The following OTOF variants were observed in gnomAD, a reference collection of about 807,000 sequenced individuals.
OTOF encodes the protein otoferlin, also known as fer-1-like family member 2.
Under a neutral mutation model 236.8 loss-of-function variants are expected in OTOF, and 218 were observed. The ratio of observed to expected loss-of-function variants is 0.92; its 90% confidence interval spans 0.82 to 1.03. The LOEUF is 1.03. Ranked by LOEUF, OTOF falls within the 50% of genes least tolerant of loss-of-function variation. OTOF has a pLI of 0.00. For missense variants in OTOF, 2,590 were observed against 2,694.4 expected, an observed-to-expected ratio of 0.96 and a Z score of 0.86; for synonymous variants, 1,041 against 1,072.5, an observed-to-expected ratio of 0.97 and a Z score of 0.57.
intron 13 of OTOF, 67 bp from the exon 14 acceptor site, chr2:26,482,659 G>GTT: frequency 7.2e-7 from 1 of 1,386,674 alleles, no homozygotes; most frequent in Non-Finnish European, 1.0e-6. Context: ...GTGTGTGTGT[G>GTT]TGAGTGGGCG....
intron 8 of OTOF, among the ~76,000 whole-genome samples, chr2:26,497,581 G>A (rs955412472): frequency 1.3e-5 from 2 of 151,986 alleles, no homozygotes; most frequent in Non-Finnish European, 2.9e-5. Flanking sequence ...AAAATAACCT[G>A]AGGGTGATTA....
chr2:26,511,341 C>T (rs930452952), intron 5 of OTOF, among the ~76,000 whole-genome samples: 5 of 152,130 alleles, frequency 3.3e-5, no homozygotes, highest in African/African-American at 1.2e-4. Flanking sequence ...AAGTGAGCTA[C>T]CACTCCAGGG....
At chr2:26,467,326 C>T in intron 34 of OTOF, 39 bp downstream of exon 34, 1 of 1,613,750 alleles carries the variant, frequency 6.2e-7, no homozygotes, top group Middle Eastern at 1.6e-4. Context: ...CTCTTCCCGC[C>T]CCCACACACC....
chr2:26,542,075 A>T (rs981782968), intron 1 of OTOF, among the ~76,000 whole-genome samples: 18 of 152,352 alleles, frequency 1.2e-4, no homozygotes, highest in Admixed American at 6.5e-4. Context: ...CACACGACAG[A>T]TCTTCTCCAA....
At chr2:26,506,921 C>T (rs1319030098) in intron 5 of OTOF, among the ~76,000 whole-genome samples, 2 of 152,088 alleles carry the variant, frequency 1.3e-5, no homozygotes, top group Non-Finnish European at 2.9e-5. Flanking sequence ...AACTAGGAGG[C>T]GGAGGTTGCA....
Position 26,501,790 on chromosome 2 carries a change from C to A in OTOF, c.729G>T (p.Lys243Asn). The A allele has an allele frequency of 6.2e-7, 1 of 1,613,852 alleles. No individual in the cohort carries two copies. Among genetic ancestry groups the A allele is most frequent in the Non-Finnish European group, 8.5e-7 (1 of 1,179,738 alleles). The change falls in exon 8 of 47, where the codon AAG (lysine) becomes AAT (asparagine). Residue 243 changes from lysine (K) to asparagine (N), a missense_variant. By Grantham distance (94) the Lys-to-Asn change is moderately conservative. Transcript: ENST00000272371. ...VSNKRSKPDIKMEPSAGRPMD... is the reference protein window; with the variant it reads ...VSNKRSKPDINMEPSAGRPMD... ...TGGGCCGCCCAGCACTTGGCTCCAT[C>A]TTAATGTCTGGCTTAGATCTGAGGA...
chr2:26,472,346 T>G, intron 30 of OTOF, 173 bp downstream of exon 30: 5 of 763,178 alleles, frequency 6.6e-6, no homozygotes, highest in East Asian at 2.6e-5. Flanking sequence ...CATTCCAGGA[T>G]AGTATTAGGA....
chr2:26,547,450 G>C (rs571977282), intron 1 of OTOF, among the ~76,000 whole-genome samples: 1 of 152,280 alleles, frequency 6.6e-6, no homozygotes, highest in South Asian at 2.1e-4. Flanking sequence ...GTCTTTGTCA[G>C]GTTTTGATAA....
chr2:26,487,918 C>A (rs1665740170), intron 11 of OTOF, among the ~76,000 whole-genome samples: 1 of 152,246 alleles, frequency 6.6e-6, no homozygotes, highest in African/African-American at 2.4e-5. Flanking sequence ...GGCAAAGGCA[C>A]TGGCCTGGGA....
chr2:26,483,315 C>A, intron 13 of OTOF, 147 bp downstream of exon 13: 1 of 754,020 alleles, frequency 1.3e-6, no homozygotes, highest in South Asian at 1.5e-5. Context: ...CTCCAGGAGG[C>A]AGTGAGGATC....
intron 1 of OTOF, among the ~76,000 whole-genome samples, chr2:26,542,194 T>C (rs1176748320): frequency 1.3e-5 from 2 of 152,160 alleles, no homozygotes; most frequent in Non-Finnish European, 2.9e-5. Flanking sequence ...AGCTCCCTCT[T>C]CCAGACAGCT....
At chr2:26,539,986 T>G (rs1215153420) in intron 1 of OTOF, among the ~76,000 whole-genome samples, 1 of 151,982 alleles carries the variant, frequency 6.6e-6, no homozygotes, top group African/African-American at 2.4e-5. Context: ...CAGGCTGGAG[T>G]GCAGTAGTGT....
intron 2 of OTOF, among the ~76,000 whole-genome samples, chr2:26,536,269 C>T (rs371186477): frequency 2.6e-5 from 4 of 152,204 alleles, no homozygotes; most frequent in East Asian, 3.8e-4. Context: ...CCTTCACACC[C>T]ATCACCAACC....
chr2:26,468,368 G>A, intron 33 of OTOF, 40 bp downstream of exon 33: 1 of 1,518,524 alleles, frequency 6.6e-7, no homozygotes, highest in Non-Finnish European at 9.1e-7. Flanking sequence ...CCACCCAGGG[G>A]CGGGGAGGAG....
intron 30 of OTOF, 141 bp downstream of exon 30, chr2:26,472,374 ACAAT>A (rs1194283127): frequency 5.6e-5 from 56 of 995,738 alleles, no homozygotes; most frequent in Middle Eastern, 2.1e-4. Flanking sequence ...GTTTGGACAC[ACAAT>A]CAAGCTCAGC....
At position 26,482,539 on chromosome 2, in the gene OTOF, G is replaced by A. The variant is rs749138873; in HGVS notation, c.1446C>T (p.Val482=). 1.9e-6 allele frequency: 3 copies of A among 1,613,400 alleles called. No homozygotes were observed. The highest frequency in any genetic ancestry group is 3.3e-4 in the Middle Eastern group (2 of 6,060). ...GTGGGGGGAAGAGGTCTGTAAAGACGACCTGCTCATTCCACAGGGGCTCAT... is the reference window on the plus strand; with the variant it reads ...GTGGGGGGAAGAGGTCTGTAAAGACAACCTGCTCATTCCACAGGGGCTCAT... ...SSYEPLWNEQ[V]VFTDLFPPLC... Residue 482 remains valine, a synonymous_variant, in exon 14 of 47, where the codon GTC becomes GTT. Transcript: ENST00000272371.
At chr2:26,556,804 T>C (rs1453514602) in intron 1 of OTOF, among the ~76,000 whole-genome samples, 1 of 152,204 alleles carries the variant, frequency 6.6e-6, no homozygotes. Context: ...GCCTGTCCGG[T>C]GCAGCCTGGA....
At chr2:26,491,977 G>C (rs893119350) in intron 9 of OTOF, among the ~76,000 whole-genome samples, 1 of 152,226 alleles carries the variant, frequency 6.6e-6, no homozygotes. Flanking sequence ...TCCCTCTGTT[G>C]TTTTAATGGA....
intron 36 of OTOF, chr2:26,466,440 G>T (rs761190161): frequency 7.8e-6 from 4 of 515,854 alleles, no homozygotes; most frequent in Middle Eastern, 5.4e-4. Context: ...AGGTTCAAGC[G>T]ATTTTCCTGC....
Sources: allele counts gnomAD v4.1 joint callset (sites outside exome capture counted in the v4.1 genomes callset), GRCh38; gene constraint gnomAD v4.1.1; transcripts MANE v1.5; gene names NCBI Gene and HGNC (gene_info 2026-07-23, HGNC 2026-07-21).